The following WDFY3 variants were observed in gnomAD, a reference collection of about 807,000 sequenced individuals.
WDFY3 encodes WD repeat and FYVE domain-containing protein 3.
A neutral mutation model predicts 409.6 loss-of-function variants in WDFY3; 66 were observed. The observed-to-expected ratio is 0.16, with a 90% CI of 0.13 to 0.20. The LOEUF (loss-of-function observed/expected upper bound fraction) is 0.20, where lower values mean the gene tolerates loss of function less well. WDFY3 is among the 10% of genes least tolerant of loss of function. WDFY3 has a pLI of 1.00. For missense variants in WDFY3, 3,031 were observed against 4,298.1 expected (o/e 0.71, Z 8.24); for synonymous variants, 1,521 against 1,537.1 (o/e 0.99, Z 0.25).
rs780220814 is a variant in WDFY3 at position 84,688,269 on chromosome 4, C to T, written c.9364-4G>A. ...TATCAGTGTGGCCCAGTAAGGCCTA[C>T]GAATGAGAACAAACAAACAAAATCA... On this transcript the variant is annotated splice_region_variant and splice_polypyrimidine_tract_variant and intron_variant, in intron 61 of 67. Coordinates refer to ENST00000295888, the MANE Select transcript of WDFY3 (RefSeq NM_014991.6). 1.1e-5 allele frequency: 18 copies of T among 1,610,928 alleles called. No homozygotes were observed. The highest frequency in any genetic ancestry group is 1.4e-5 in the Non-Finnish European group (17 of 1,178,550).
At chr4:84,935,315 AT>A (rs961715970) in intron 1 of WDFY3, among the ~76,000 whole-genome samples, 10 of 152,142 alleles carry the variant, frequency 6.6e-5, no homozygotes, top group African/African-American at 2.4e-4. Context: ...GTGTTTGGCA[AT>A]TTATAACTTC....
chr4:84,807,391 A>T (rs1751694119), intron 15 of WDFY3, among the ~76,000 whole-genome samples: 1 of 152,222 alleles, frequency 6.6e-6, no homozygotes, highest in Non-Finnish European at 1.5e-5. Flanking sequence ...ATCTTTTCAT[A>T]TACCTAATAT....
chr4:84,794,868 A>C lies in WDFY3; in HGVS notation c.3268+11T>G. On this transcript the variant is annotated intron_variant, in intron 20 of 67. Transcript: ENST00000295888. The stretch of plus-strand genomic sequence containing the variant: ...AAAAAAACTCATAAGCAGAAAGCAA[A>C]TATTACTTACCAGAACCAATGCCAC... The C allele has an allele frequency of 6.4e-7, 1 of 1,557,232 alleles. No individual in the cohort carries two copies. Among genetic ancestry groups the C allele is most frequent in the Non-Finnish European group, 8.6e-7 (1 of 1,160,316 alleles).
chr4:84,721,302 T>C, intron 47 of WDFY3, 107 bp downstream of exon 47: 1 of 1,439,198 alleles, frequency 6.9e-7, no homozygotes, highest in East Asian at 2.3e-5. Context: ...TGTATTTTAT[T>C]ACCGAGGCTA....
chr4:84,866,583 C>T (rs1259944789), intron 3 of WDFY3, among the ~76,000 whole-genome samples: 4 of 152,180 alleles, frequency 2.6e-5, no homozygotes, highest in Non-Finnish European at 4.4e-5. Flanking sequence ...ACCAATTCAC[C>T]GCAGCCTTTA....
intron 5 of WDFY3, among the ~76,000 whole-genome samples, chr4:84,845,558 A>T (rs1757975521): frequency 6.6e-6 from 1 of 152,182 alleles, no homozygotes; most frequent in South Asian, 2.1e-4. Context: ...ATTGGTTAAG[A>T]GGGTAGATCC....
chr4:84,765,786 C>T (rs1181929399), intron 32 of WDFY3, 24 bp downstream of exon 32: 2 of 1,596,264 alleles, frequency 1.3e-6, no homozygotes, highest in Non-Finnish European at 1.7e-6. Flanking sequence ...CATTTTCAAG[C>T]AGCTGACTAG....
chr4:84,764,709 A>T (rs1743311016), intron 32 of WDFY3, among the ~76,000 whole-genome samples: 2 of 151,892 alleles, frequency 1.3e-5, no homozygotes, highest in South Asian at 4.1e-4. Context: ...AAAAAAAAAA[A>T]ATACAAAAAA....
At chr4:84,801,919 C>G in intron 16 of WDFY3, 55 bp from the exon 17 acceptor site, 1 of 1,504,908 alleles carries the variant, frequency 6.6e-7, no homozygotes. Context: ...AGAAAGATGA[C>G]AATTCTTTTC....
chr4:84,871,209 T>C (rs1452085031), intron 3 of WDFY3, among the ~76,000 whole-genome samples: 3 of 151,256 alleles, frequency 2.0e-5, no homozygotes, highest in Non-Finnish European at 2.9e-5. Context: ...AAAGAGAAAA[T>C]CATGGAAGCA....
chr4:84,771,763 A>G (rs543323710), intron 30 of WDFY3, among the ~76,000 whole-genome samples: 1 of 152,246 alleles, frequency 6.6e-6, no homozygotes, highest in Non-Finnish European at 1.5e-5. Flanking sequence ...TAAGTATTCA[A>G]TAAGTGTTAT....
intron 3 of WDFY3, among the ~76,000 whole-genome samples, chr4:84,896,359 TA>T (rs1765637398): frequency 6.6e-6 from 1 of 151,996 alleles, no homozygotes; most frequent in African/African-American, 2.4e-5. Flanking sequence ...TGCCCCTAAA[TA>T]ACACATCCAA....
At chr4:84,824,140 T>C (rs1319393234) in intron 10 of WDFY3, among the ~76,000 whole-genome samples, 1 of 152,148 alleles carries the variant, frequency 6.6e-6, no homozygotes, top group Non-Finnish European at 1.5e-5. Flanking sequence ...AGTATTACAA[T>C]ATTCTCCCCA....
In WDFY3 at chr4:84,787,601, A is replaced by C. The variant is rs1471845680; in HGVS notation, c.3782T>G (p.Leu1261Trp). 2 of 1,614,048 alleles carry C rather than the reference A, an allele frequency of 1.2e-6. No homozygotes were observed. Among genetic ancestry groups the C allele is most frequent in the African/African-American group, 2.7e-5 (2 of 74,930 alleles). ...TPPAQRQIAS[L>W]VWRLGPTHFL... The stretch of plus-strand genomic sequence containing the variant: ...ATGTGTGGGTCCCAGGCGCCAAACC[A>C]ATGAGGCAATTTGGCGTTGGGCAGG... Residue 1261 changes from leucine to tryptophan, a missense_variant, in exon 23 of 68, where the codon TTG becomes TGG. Transcript: ENST00000295888.
intron 58 of WDFY3, among the ~76,000 whole-genome samples, chr4:84,694,660 C>T (rs186130716): frequency 9.2e-5 from 14 of 152,176 alleles, no homozygotes; most frequent in Non-Finnish European, 1.3e-4. Flanking sequence ...AGCCAGGCGC[C>T]GTAGCTCATG....
intron 18 of WDFY3, 106 bp from the exon 19 acceptor site, chr4:84,796,858 T>A (rs1749537480): frequency 8.7e-6 from 7 of 800,454 alleles, no homozygotes; most frequent in South Asian, 2.2e-5. Context: ...TAGACAATAA[T>A]TTTTTTTTAA....
chr4:84,933,608 T>C (rs1374399393), intron 1 of WDFY3, among the ~76,000 whole-genome samples: 1 of 152,112 alleles, frequency 6.6e-6, no homozygotes. Flanking sequence ...TGCTACCAAA[T>C]ACTAGATCTT....
At chr4:84,786,384 A>C (rs1255122753) in intron 23 of WDFY3, among the ~76,000 whole-genome samples, 1 of 152,214 alleles carries the variant, frequency 6.6e-6, no homozygotes, top group African/African-American at 2.4e-5. Flanking sequence ...AACATATAGC[A>C]CAACGTAAAG....
intron 62 of WDFY3, 28 bp downstream of exon 62, chr4:84,688,058 A>G: frequency 4.4e-6 from 7 of 1,603,088 alleles, no homozygotes; most frequent in Non-Finnish European, 6.0e-6. Flanking sequence ...TTGTTTACCT[A>G]AACATAAGTG....
Sources: allele counts gnomAD v4.1 joint callset (sites outside exome capture counted in the v4.1 genomes callset), GRCh38; gene constraint gnomAD v4.1.1; transcripts MANE v1.5; gene names NCBI Gene and HGNC (gene_info 2026-07-23, HGNC 2026-07-21).